Variants in SUPT3H observed in about 807,000 individuals in gnomAD.
The protein encoded by SUPT3H is transcription initiation protein SPT3 homolog.
In SUPT3H, 44 loss-of-function variants were observed where a neutral mutation model predicts 44.3. The observed-to-expected ratio is 0.99, with a 90% CI of 0.78 to 1.28. The LOEUF is 1.28. SUPT3H is among the 50% of genes most tolerant of loss of function. The pLI is 0.00. For missense variants in SUPT3H, 380 were observed against 387.1 expected, an observed-to-expected ratio of 0.98 and a Z score of 0.15; for synonymous variants, 124 against 125.6, an observed-to-expected ratio of 0.99 and a Z score of 0.09.
chr6:44,812,641 A>T (rs992319806), intron 11 of SUPT3H, among the ~76,000 whole-genome samples: 1 of 152,220 alleles, frequency 6.6e-6, no homozygotes, highest in African/African-American at 2.4e-5. Flanking sequence ...AATTATTTGA[A>T]GCATCAGAAA....
intron 2 of SUPT3H, among the ~76,000 whole-genome samples, chr6:45,177,301 C>G (rs1322185135): frequency 2.0e-5 from 3 of 151,996 alleles, no homozygotes; most frequent in African/African-American, 7.3e-5. Context: ...ATGCGATCAA[C>G]TGGAAGAAAG....
intron 2 of SUPT3H, among the ~76,000 whole-genome samples, chr6:45,247,088 C>G (rs1177167633): frequency 1.3e-5 from 2 of 152,140 alleles, no homozygotes; most frequent in East Asian, 3.8e-4. Flanking sequence ...CCCAATGGAT[C>G]CCACAGATGC....
chr6:45,122,762 C>G (rs2153580017), intron 2 of SUPT3H, among the ~76,000 whole-genome samples: 1 of 152,230 alleles, frequency 6.6e-6, no homozygotes, highest in East Asian at 1.9e-4. Flanking sequence ...AGAGGCACTT[C>G]ATGTCTATTT....
At chr6:45,093,133 A>T (rs927657341) in intron 3 of SUPT3H, among the ~76,000 whole-genome samples, 1 of 152,198 alleles carries the variant, frequency 6.6e-6, no homozygotes, top group East Asian at 1.9e-4. Flanking sequence ...ATCTAAAGGG[A>T]TAAAAATACA....
intron 2 of SUPT3H, among the ~76,000 whole-genome samples, chr6:45,273,063 C>A (rs1246542468): frequency 6.6e-6 from 1 of 152,256 alleles, no homozygotes; most frequent in Non-Finnish European, 1.5e-5. Context: ...ACTGAAAGCT[C>A]TGTTCTTGTC....
downstream of SUPT3H, among the ~76,000 whole-genome samples, chr6:44,821,910 A>C (rs1053585478): frequency 1.8e-4 from 27 of 152,198 alleles, no homozygotes; most frequent in Non-Finnish European, 5.9e-5. Flanking sequence ...TTTTTAACAT[A>C]AACTCACTGA....
At chr6:45,258,829 T>C (rs1268031345) in intron 2 of SUPT3H, among the ~76,000 whole-genome samples, 1 of 152,174 alleles carries the variant, frequency 6.6e-6, no homozygotes, top group African/African-American at 2.4e-5. Context: ...TAATCATTAA[T>C]AAAAAACATG....
intron 2 of SUPT3H, among the ~76,000 whole-genome samples, chr6:45,270,796 G>A (rs941905420): frequency 6.6e-6 from 1 of 152,176 alleles, no homozygotes; most frequent in Non-Finnish European, 1.5e-5. Context: ...AGAAAGACAG[G>A]AAAATGTAGG....
intron 2 of SUPT3H, chr6:45,321,859 A>T: frequency 6.3e-7 from 1 of 1,595,794 alleles, no homozygotes; most frequent in Non-Finnish European, 8.5e-7. Context: ...TGATTTTCCA[A>T]TTATTTCTAT....
chr6:45,086,135 A>G, intron 3 of SUPT3H, among the ~76,000 whole-genome samples: 1 of 152,020 alleles, frequency 6.6e-6, no homozygotes, highest in East Asian at 1.9e-4. Context: ...TTAGCTAAAA[A>G]TTTTCATCCT....
chr6:44,989,451 T>C (rs548803048), intron 6 of SUPT3H, among the ~76,000 whole-genome samples: 84 of 152,300 alleles, frequency 5.5e-4, no homozygotes, highest in Middle Eastern at 6.8e-3. Context: ...TTGTGAATTA[T>C]GCTGCAATGA....
chr6:44,861,876 A>T (rs967260480), intron 10 of SUPT3H, among the ~76,000 whole-genome samples: 5 of 152,162 alleles, frequency 3.3e-5, no homozygotes, highest in Non-Finnish European at 5.9e-5. Flanking sequence ...TTCTGCTTTG[A>T]TCTGATTTTA....
At chr6:45,367,645 G>A (rs576095080) in intron 1 of SUPT3H, among the ~76,000 whole-genome samples, 2 of 152,244 alleles carry the variant, frequency 1.3e-5, no homozygotes, top group African/African-American at 4.8e-5. Context: ...TAAACTCAAA[G>A]AGTAAGTAGT....
chr6:45,039,857 A>AG (rs1554217897), intron 3 of SUPT3H, among the ~76,000 whole-genome samples: 1 of 151,214 alleles, frequency 6.6e-6, no homozygotes, highest in Non-Finnish European at 1.5e-5. Flanking sequence ...AAAAAAAAAA[A>AG]TTTTGCTAGA....
At chr6:44,849,220 CTTTTTTTTTTTTTT>C (rs143665414) in intron 10 of SUPT3H, among the ~76,000 whole-genome samples, 1 of 96,636 alleles carries the variant, frequency 1.0e-5, no homozygotes, top group African/African-American at 4.2e-5. Context: ...CAAATGAATA[CTTTTTTTTTTTTTT>C]TTTTTTTTTT....
chr6:44,809,821 A>G (rs1353907397), intron 11 of SUPT3H, among the ~76,000 whole-genome samples: 4 of 152,184 alleles, frequency 2.6e-5, no homozygotes, highest in South Asian at 2.1e-4. Context: ...TAGAACTTCA[A>G]TGCTCCCACT....
At chr6:45,141,025 ATC>A (rs1173380394) in intron 2 of SUPT3H, among the ~76,000 whole-genome samples, 1 of 152,168 alleles carries the variant, frequency 6.6e-6, no homozygotes, top group Non-Finnish European at 1.5e-5. Context: ...CCAAGAAGAA[ATC>A]TCTGCATTGC....
chr6:45,023,563 T>C, intron 3 of SUPT3H, among the ~76,000 whole-genome samples: 1 of 152,122 alleles, frequency 6.6e-6, no homozygotes, highest in African/African-American at 2.4e-5. Context: ...GAAAATGTGG[T>C]ATATATACAC....
At chr6:45,097,772 G>A (rs1233291095) in intron 3 of SUPT3H, 1 of 152,146 alleles carries the variant, frequency 6.6e-6, no homozygotes, top group East Asian at 1.9e-4. Context: ...AGACATACAG[G>A]TTTTTATAAA....
Sources: allele counts gnomAD v4.1 joint callset (sites outside exome capture counted in the v4.1 genomes callset), GRCh38; gene constraint gnomAD v4.1.1; transcripts MANE v1.5; gene names NCBI Gene and HGNC (gene_info 2026-07-23, HGNC 2026-07-21).